Variants in SEMA4D observed in about 807,000 individuals in gnomAD.
SEMA4D encodes semaphorin-4D.
SEMA4D carries 22 observed loss-of-function variants against 74.8 expected under a neutral mutation model. The observed-to-expected ratio is 0.29, with a 90% CI of 0.21 to 0.42. The LOEUF (loss-of-function observed/expected upper bound fraction) is 0.42. SEMA4D is among the 10% of genes least tolerant of loss of function. The pLI, the probability that SEMA4D is intolerant of heterozygous loss-of-function variation, is 1.00. For synonymous variants in SEMA4D, 445 were observed against 463.7 expected, an observed-to-expected ratio of 0.96 and a Z score of 0.52; for missense variants, 937 against 1,118.4, an observed-to-expected ratio of 0.84 and a Z score of 2.31.
At chr9:89,400,502 C>T (rs960899922) in intron 4 of SEMA4D, among the ~76,000 whole-genome samples, 1 of 152,182 alleles carries the variant, frequency 6.6e-6, no homozygotes, top group African/African-American at 2.4e-5. Flanking sequence ...AGGAGAGGAA[C>T]CCCACTTTAG....
intron 2 of SEMA4D, among the ~76,000 whole-genome samples, chr9:89,430,745 G>A (rs971600132): frequency 2.6e-5 from 4 of 152,260 alleles, no homozygotes; most frequent in African/African-American, 4.8e-5. Context: ...GGGAGGCCAA[G>A]GCGGGCAGAT....
chr9:89,418,452 A>T lies in SEMA4D; in HGVS notation c.-243-12753T>A, dbSNP rs375627510. The T allele has an allele frequency of 4.1e-6, 4 of 983,766 alleles. No homozygotes were observed. The African/African-American group carries it at 7.0e-5, about 17-fold the overall frequency. The allele number at this position is 983,766 out of a possible 1,614,324, so 60.9% of individuals were successfully genotyped here. A position where few individuals can be genotyped will look rare whatever the true frequency, so the allele number is the denominator to read the frequency against. On this transcript the variant is annotated intron_variant, in intron 2 of 15. Transcript: ENST00000422704. The stretch of plus-strand genomic sequence containing the variant: ...GTTAGCAGAGTCTGTGAACCAAAAA[A>T]GTACTATCTAATTGTCTATTAGCTC...
intron 13 of SEMA4D, 84 bp downstream of exon 13, chr9:89,386,283 C>T (rs919418696): frequency 3.6e-5 from 42 of 1,181,544 alleles, no homozygotes; most frequent in Non-Finnish European, 4.7e-5. Flanking sequence ...AGGAGCCCGA[C>T]TCCAGCTTGC....
At chr9:89,481,653 G>T (rs536969571) in intron 1 of SEMA4D, among the ~76,000 whole-genome samples, 2 of 152,376 alleles carry the variant, frequency 1.3e-5, no homozygotes, top group African/African-American at 4.8e-5. Flanking sequence ...GGCAAGAGAA[G>T]AAGACCCTGG....
chr9:89,401,785 G>A (rs901020878), intron 4 of SEMA4D, among the ~76,000 whole-genome samples: 2 of 152,182 alleles, frequency 1.3e-5, no homozygotes, highest in Admixed American at 6.5e-5. Context: ...AAGGAAATGG[G>A]ACCTCTACGG....
chr9:89,493,405 C>T (rs1376113143), intron 1 of SEMA4D, among the ~76,000 whole-genome samples: 4 of 152,238 alleles, frequency 2.6e-5, no homozygotes, highest in African/African-American at 4.8e-5. Context: ...CTCAGAGCCC[C>T]GCCACAGCCC....
intron 1 of SEMA4D, among the ~76,000 whole-genome samples, chr9:89,495,876 T>C (rs1418485430): frequency 7.0e-6 from 1 of 143,874 alleles, no homozygotes; most frequent in Admixed American, 7.2e-5. Context: ...GCACAGAAGA[T>C]AGAGAAAACC....
chr9:89,402,270 C>T (rs575891695), intron 4 of SEMA4D, among the ~76,000 whole-genome samples: 1 of 152,250 alleles, frequency 6.6e-6, no homozygotes, highest in South Asian at 2.1e-4. Context: ...GAGTAGCTTT[C>T]TCAGGAAGGA....
chr9:89,363,295 A>G, intron 18 of SEMA4D: 1 of 1,330,622 alleles, frequency 7.5e-7, no homozygotes, highest in Non-Finnish European at 1.0e-6. Context: ...GATTTCATAA[A>G]GGAAACTGCT....
chr9:89,482,034 C>T (rs917998753), intron 1 of SEMA4D, among the ~76,000 whole-genome samples: 1 of 152,204 alleles, frequency 6.6e-6, no homozygotes, highest in Non-Finnish European at 1.5e-5. Context: ...GGAAAGGAGG[C>T]AGGGAGAGGG....
At chr9:89,461,700 C>CTTTTTTTTTTTT (rs61696689) in intron 1 of SEMA4D, among the ~76,000 whole-genome samples, 23 of 103,644 alleles carry the variant, frequency 2.2e-4, no homozygotes, top group East Asian at 7.3e-4. Context: ...TCTTTTTTCT[C>CTTTTTTTTTTTT]TTTTTTTTTT....
At chr9:89,470,144 T>A (rs1211430747) in intron 1 of SEMA4D, among the ~76,000 whole-genome samples, 2 of 152,198 alleles carry the variant, frequency 1.3e-5, no homozygotes, top group African/African-American at 4.8e-5. Context: ...GTGAACTGCA[T>A]CAAAATTAAA....
At chr9:89,369,866 A>ATGTGTG (rs149822470) in intron 16 of SEMA4D, among the ~76,000 whole-genome samples, 10,242 of 151,316 alleles carry the variant, frequency 0.068, 439 homozygotes, top group South Asian at 0.21. Context: ...TAAGTCAACA[A>ATGTGTG]TGTGTGTGTG....
At chr9:89,480,115 G>T (rs1239980144) in intron 1 of SEMA4D, among the ~76,000 whole-genome samples, 3 of 152,036 alleles carry the variant, frequency 2.0e-5, no homozygotes, top group African/African-American at 4.8e-5. Context: ...ACAGAGTGTC[G>T]ATTGGTGCAC....
intron 1 of SEMA4D, among the ~76,000 whole-genome samples, chr9:89,477,674 T>A (rs913314740): frequency 1.3e-5 from 2 of 152,224 alleles, no homozygotes; most frequent in Admixed American, 1.3e-4. Flanking sequence ...TGTGTGTGCA[T>A]CTGAAAATCG....
intron 2 of SEMA4D, among the ~76,000 whole-genome samples, chr9:89,429,004 G>A (rs571412132): frequency 6.6e-6 from 1 of 152,184 alleles, no homozygotes; most frequent in Non-Finnish European, 1.5e-5. Context: ...TCCCTGTGGG[G>A]GGGGTCTCCC....
downstream of SEMA4D, among the ~76,000 whole-genome samples, chr9:89,373,273 GACCC>G (rs1835359864): frequency 6.6e-6 from 1 of 152,190 alleles, no homozygotes; most frequent in African/African-American, 2.4e-5. Flanking sequence ...CCCCTGTGCA[GACCC>G]ACCCCGATCC....
chr9:89,475,827 A>AT (rs145466400), intron 1 of SEMA4D, among the ~76,000 whole-genome samples: 1,648 of 152,054 alleles, frequency 0.011, 31 homozygotes, highest in African/African-American at 0.036. Context: ...TTGCACAAAT[A>AT]TTTTTTTTCC....
At chr9:89,449,463 G>A (rs1190419761) in intron 2 of SEMA4D, 2 of 676,074 alleles carry the variant, frequency 3.0e-6, no homozygotes, top group East Asian at 2.6e-5. Flanking sequence ...CCCTCTCCTC[G>A]AGGATCGAGG....
Sources: allele counts gnomAD v4.1 joint callset (sites outside exome capture counted in the v4.1 genomes callset), GRCh38; gene constraint gnomAD v4.1.1; transcripts MANE v1.5; gene names NCBI Gene and HGNC (gene_info 2026-07-23, HGNC 2026-07-21).